The following ADGRL2 variants were observed in gnomAD, a reference collection of about 807,000 sequenced individuals.
ADGRL2 encodes adhesion G protein-coupled receptor L2.
ADGRL2 carries 44 observed loss-of-function variants against 157.4 expected under a neutral mutation model. The ratio of observed to expected loss-of-function variants is 0.28; its 90% CI spans 0.22 to 0.36. The LOEUF (loss-of-function observed/expected upper bound fraction) is 0.36, where lower values mean the gene tolerates loss of function less well. Ranked by LOEUF, ADGRL2 falls within the 10% of genes least tolerant of loss-of-function variation. The pLI, the probability that ADGRL2 is intolerant of heterozygous loss-of-function variation, is 1.00. For missense variants in ADGRL2, 1,510 were observed against 1,768.9 expected, an observed-to-expected ratio of 0.85 and a Z score of 2.63; for synonymous variants, 585 against 624.7, an observed-to-expected ratio of 0.94 and a Z score of 0.95.
chr1:81,564,224 A>G (rs1268788374), intron 2 of ADGRL2, among the ~76,000 whole-genome samples: 1 of 152,200 alleles, frequency 6.6e-6, no homozygotes, highest in Non-Finnish European at 1.5e-5. Flanking sequence ...TACTAGTGAC[A>G]CATAGCTGTG....
intron 1 of ADGRL2, among the ~76,000 whole-genome samples, chr1:81,388,990 C>A (rs925816438): frequency 6.6e-6 from 1 of 152,062 alleles, no homozygotes; most frequent in Non-Finnish European, 1.5e-5. Flanking sequence ...AAAACCATAG[C>A]TAGAATCTGA....
chr1:81,975,677 T>A (rs1660026407), intron 17 of ADGRL2, among the ~76,000 whole-genome samples: 1 of 151,924 alleles, frequency 6.6e-6, no homozygotes, highest in South Asian at 2.1e-4. Flanking sequence ...CACAGAAGTA[T>A]ATGGATGGAA....
intron 1 of ADGRL2, among the ~76,000 whole-genome samples, chr1:81,425,266 A>G (rs547724523): frequency 2.6e-5 from 4 of 152,294 alleles, no homozygotes; most frequent in Non-Finnish European, 5.9e-5. Context: ...GTACCCATGC[A>G]TGTGTACACA....
At chr1:81,835,717 T>TA (rs2092243295) in intron 1 of ADGRL2, among the ~76,000 whole-genome samples, 1 of 152,094 alleles carries the variant, frequency 6.6e-6, no homozygotes, top group Non-Finnish European at 1.5e-5. Context: ...CCCTGTGTCT[T>TA]CAGTGCTTTC....
upstream of ADGRL2, among the ~76,000 whole-genome samples, chr1:81,695,046 T>C (rs909785119): frequency 2.0e-5 from 3 of 152,126 alleles, no homozygotes; most frequent in Non-Finnish European, 4.4e-5. Flanking sequence ...TGGAAAAGTC[T>C]CAAAAATCTT....
chr1:81,935,348 A>T (rs1557945844), intron 3 of ADGRL2, among the ~76,000 whole-genome samples: 1 of 151,946 alleles, frequency 6.6e-6, no homozygotes, highest in Non-Finnish European at 1.5e-5. Context: ...TCATGATAAA[A>T]GTTACTTATA....
chr1:81,320,307 A>G (rs1660414196), intron 1 of ADGRL2, among the ~76,000 whole-genome samples: 1 of 152,194 alleles, frequency 6.6e-6, no homozygotes, highest in Admixed American at 6.5e-5. Flanking sequence ...GTCATCTATG[A>G]CAGTAGAAGT....
Position 81,955,907 on chromosome 1 carries a change from A to G in ADGRL2, c.1864A>G (p.Arg622Gly). The change falls in exon 11 of 24, where the codon AGA (arginine) becomes GGA (glycine). Residue 622 changes from arginine to glycine, a missense_variant. By Grantham distance (125) the Arg-to-Gly change is moderately radical. This residue lies in a region of ADGRL2 where 325 missense variants were observed against 333.2 expected (regional missense o/e 0.98). Coordinates refer to ENST00000686636, the MANE Select transcript of ADGRL2 (RefSeq NM_001366006.2). ...TGTTGACACAGTGGACAACCTTCTG[A>G]GACCCGAAGCTTTGGAATCATGGAA... ...AIVDTVDNLL[R>G]PEALESWKHM... 1 of 1,601,834 alleles carries G rather than the reference A, an allele frequency of 6.2e-7. No homozygotes were observed. Among genetic ancestry groups the G allele is most frequent in the Non-Finnish European group, 8.5e-7 (1 of 1,174,770 alleles).
chr1:81,501,811 A>ACAG, intron 2 of ADGRL2: 1 of 1,558,336 alleles, frequency 6.4e-7, no homozygotes, highest in Non-Finnish European at 8.7e-7. Flanking sequence ...AGCAGCAGCA[A>ACAG]CAGCAGCAGC....
intron 1 of ADGRL2, among the ~76,000 whole-genome samples, chr1:81,836,137 T>C (rs1311186165): frequency 6.6e-6 from 1 of 152,104 alleles, no homozygotes; most frequent in Non-Finnish European, 1.5e-5. Context: ...TACTGAGTTA[T>C]GTATGCAACC....
At chr1:81,814,618 G>T (rs1177584450) in intron 1 of ADGRL2, among the ~76,000 whole-genome samples, 1 of 151,050 alleles carries the variant, frequency 6.6e-6, no homozygotes, top group African/African-American at 2.4e-5. Context: ...TTATTCCCAG[G>T]ATTTAGAAAT....
intron 2 of ADGRL2, among the ~76,000 whole-genome samples, chr1:81,534,228 C>A (rs987102941): frequency 1.3e-5 from 2 of 152,068 alleles, no homozygotes; most frequent in Non-Finnish European, 2.9e-5. Flanking sequence ...GTGGTATGAC[C>A]TTGGCTTACT....
intron 2 of ADGRL2, among the ~76,000 whole-genome samples, chr1:81,862,925 A>AT (rs1327410426): frequency 1.3e-4 from 20 of 152,212 alleles, no homozygotes. Context: ...ATAAAACCAA[A>AT]TACATAAGCA....
chr1:81,476,240 A>G (rs1243951516), intron 2 of ADGRL2, among the ~76,000 whole-genome samples: 1 of 152,182 alleles, frequency 6.6e-6, no homozygotes, highest in East Asian at 1.9e-4. Flanking sequence ...AGAAAGTACA[A>G]TCTTTTGATT....
intron 3 of ADGRL2, among the ~76,000 whole-genome samples, chr1:81,678,537 A>G (rs2083042232): frequency 6.6e-6 from 1 of 152,244 alleles, no homozygotes; most frequent in Non-Finnish European, 1.5e-5. Flanking sequence ...TAGACATAGC[A>G]TGAACACAGA....
intron 2 of ADGRL2, among the ~76,000 whole-genome samples, chr1:81,890,415 A>C (rs1244413201): frequency 2.0e-5 from 3 of 152,122 alleles, no homozygotes; most frequent in Admixed American, 1.3e-4. Flanking sequence ...TTTTATAGAA[A>C]ATTTATTTTT....
In ADGRL2 at chr1:81,393,477, C is replaced by T. The variant is rs541360428; in HGVS notation, c.-301-51559C>T. Among the ~76,000 whole-genome samples the T allele has an allele frequency of 2.6e-5, 4 of 152,260 alleles. No individual in the cohort carries two copies. The South Asian group carries it at 8.3e-4, about 32-fold the overall frequency. On this transcript the variant is annotated intron_variant, in intron 1 of 24. Coordinates refer to the ADGRL2 transcript ENST00000370721. ...CCCTCTACAGCTAACAGTTCCTGCT[C>T]TTATTGTTCTCTCAATAAATCCTGT...
chr1:81,454,779 T>C (rs960154734), intron 2 of ADGRL2, among the ~76,000 whole-genome samples: 21 of 152,348 alleles, frequency 1.4e-4, no homozygotes, highest in Middle Eastern at 3.4e-3. Context: ...TCCTTCCTTT[T>C]CTTTTCTATG....
intron 2 of ADGRL2, among the ~76,000 whole-genome samples, chr1:81,499,805 A>G (rs2078806213): frequency 1.3e-5 from 2 of 152,236 alleles, no homozygotes; most frequent in African/African-American, 4.8e-5. Context: ...TAGTCGTTTT[A>G]TATTCACTTT....
Sources: gnomAD v4.1 joint callset for allele counts (sites outside exome capture counted in the v4.1 genomes callset) on GRCh38, gnomAD v4.1.1 for gene constraint, gnomAD v4.1.1 regional missense constraint, MANE v1.5 for transcripts, NCBI Gene and HGNC (gene_info 2026-07-23, HGNC 2026-07-21) for gene names.